SEM1: variants seen among roughly 807,000 people sequenced by gnomAD.
SEM1 encodes the protein 26S proteasome complex subunit SEM1.
SEM1 carries 3 observed loss-of-function variants against 12.7 expected under a neutral mutation model. The observed-to-expected ratio is 0.24, with a 90% CI of 0.11 to 0.61. The LOEUF (loss-of-function observed/expected upper bound fraction) is 0.61. SEM1 is among the 20% of genes least tolerant of loss of function. The probability of loss-of-function intolerance (pLI) is 0.88; values close to 1 mark genes in which losing one functional copy is unlikely to be tolerated. For missense variants in SEM1, 59 were observed against 81.3 expected (o/e 0.73, Z 1.06); for synonymous variants, 30 against 27.8 (o/e 1.08, Z -0.25).
intron 2 of SEM1, among the ~76,000 whole-genome samples, chr7:96,648,760 C>A (rs1313508968): frequency 2.0e-5 from 3 of 152,214 alleles, no homozygotes; most frequent in Non-Finnish European, 4.4e-5. Flanking sequence ...TGAGCAGAAA[C>A]CAAACTGCAA....
intron 2 of SEM1, among the ~76,000 whole-genome samples, chr7:96,589,230 T>A (rs530221568): frequency 6.6e-6 from 1 of 152,250 alleles, no homozygotes; most frequent in Admixed American, 6.5e-5. Flanking sequence ...TCATTCTGCT[T>A]GGCTGCCTCC....
intron 2 of SEM1, among the ~76,000 whole-genome samples, chr7:96,560,396 G>A (rs1182132703): frequency 6.6e-6 from 1 of 151,992 alleles, no homozygotes; most frequent in Non-Finnish European, 1.5e-5. Context: ...ATGCTAATGA[G>A]TTTTGCTTTT....
intron 2 of SEM1, among the ~76,000 whole-genome samples, chr7:96,682,123 A>T (rs1789632316): frequency 6.6e-6 from 1 of 151,880 alleles, no homozygotes; most frequent in Non-Finnish European, 1.5e-5. Context: ...TTGTAGTCCT[A>T]GGTATTTTAT....
rs139651366 is a variant in SEM1, at chr7:96,630,271, A to G, written c.171-7628T>C. Among the ~76,000 whole-genome samples the G allele has an allele frequency of 5.0e-4, 76 of 152,234 alleles. 1 individual carries two copies. The highest frequency in any genetic ancestry group is 1.7e-3 in the African/African-American group (69 of 41,528). ...CCAGAAGTGCCATCTGGGAGCTAAG[A>G]ACTAAAAGCAAAAACCTTAGAATTC... is the stretch of plus-strand genomic sequence containing the variant. On this transcript the variant is annotated intron_variant, in intron 2 of 2. Transcript: ENST00000417009.
exon 4 of SEM1, chr7:96,481,662 A>G (rs1336740556): frequency 6.6e-6 from 1 of 152,156 alleles, no homozygotes; most frequent in Non-Finnish European, 1.5e-5. Context: ...AAAATATTCA[A>G]AATGATCTAT....
intron 2 of SEM1, among the ~76,000 whole-genome samples, chr7:96,682,976 T>C (rs987735244): frequency 1.4e-4 from 22 of 152,122 alleles, no homozygotes; most frequent in African/African-American, 4.6e-4. Context: ...CACTGGTCAT[T>C]AGAGAAATGC....
chr7:96,516,795 A>G (rs1804108456), intron 2 of SEM1, among the ~76,000 whole-genome samples: 1 of 152,200 alleles, frequency 6.6e-6, no homozygotes, highest in Non-Finnish European at 1.5e-5. Context: ...AGCTTTATTC[A>G]TAATTGCCCA....
intron 2 of SEM1, among the ~76,000 whole-genome samples, chr7:96,543,517 T>G (rs1193362279): frequency 6.6e-6 from 1 of 151,950 alleles, no homozygotes; most frequent in Non-Finnish European, 1.5e-5. Context: ...AATAAATATA[T>G]ATTTTTTAAC....
At chr7:96,648,125 CTAAAGGGGCCTATT>C (rs966312711) in intron 2 of SEM1, among the ~76,000 whole-genome samples, 1 of 152,088 alleles carries the variant, frequency 6.6e-6, no homozygotes, top group Non-Finnish European at 1.5e-5. Flanking sequence ...AGTTATTTGT[CTAAAGGGGCCTATT>C]TAAGGGGAAA....
chr7:96,531,332 G>A (rs1391441660), intron 2 of SEM1, among the ~76,000 whole-genome samples: 1 of 151,822 alleles, frequency 6.6e-6, no homozygotes, highest in Non-Finnish European at 1.5e-5. Flanking sequence ...ACTTTCGGAA[G>A]CTGAGGCAGC....
At chr7:96,589,118 A>C (rs1287912959) in intron 2 of SEM1, among the ~76,000 whole-genome samples, 2 of 152,168 alleles carry the variant, frequency 1.3e-5, no homozygotes, top group South Asian at 2.1e-4. Context: ...CGCACTGCTT[A>C]GGGCTTGTGG....
chr7:96,611,509 A>G (rs938800365), intron 2 of SEM1, among the ~76,000 whole-genome samples: 10 of 152,232 alleles, frequency 6.6e-5, no homozygotes, highest in African/African-American at 2.4e-4. Context: ...TTTTGCTTAG[A>G]GTGAAGAGGA....
chr7:96,673,230 C>T (rs1452302143), downstream of SEM1: 1 of 152,732 alleles, frequency 6.5e-6, no homozygotes, highest in Non-Finnish European at 1.5e-5. Flanking sequence ...ATTGTCCTGC[C>T]TCAGCCTCCC....
chr7:96,503,764 G>A (rs1392746236), intron 3 of SEM1, among the ~76,000 whole-genome samples: 2 of 152,106 alleles, frequency 1.3e-5, no homozygotes, highest in African/African-American at 4.8e-5. Context: ...TCCCTAAACT[G>A]AGGATTGCTG....
At chr7:96,677,587 G>A (rs1305445568) in intron 2 of SEM1, among the ~76,000 whole-genome samples, 1 of 152,172 alleles carries the variant, frequency 6.6e-6, no homozygotes, top group Non-Finnish European at 1.5e-5. Flanking sequence ...TCCATCATGA[G>A]ATTGAAGAGC....
chr7:96,530,527 G>A (rs1009226980), intron 2 of SEM1, among the ~76,000 whole-genome samples: 2 of 152,080 alleles, frequency 1.3e-5, no homozygotes, highest in Non-Finnish European at 2.9e-5. Flanking sequence ...GAACAAAAAA[G>A]AGCACAAGCC....
At chr7:96,682,057 T>G (rs924797504) in intron 2 of SEM1, among the ~76,000 whole-genome samples, 2 of 152,150 alleles carry the variant, frequency 1.3e-5, no homozygotes, top group African/African-American at 4.8e-5. Context: ...CTCTCTTATT[T>G]CCTTGAGCAG....
At chr7:96,689,009 T>A in intron 2 of SEM1, 43 bp from the exon 3 acceptor site, 1 of 1,220,996 alleles carries the variant, frequency 8.2e-7, no homozygotes, top group Non-Finnish European at 1.2e-6. Context: ...TTCTTTATAA[T>A]AAACATTCTT....
intron 2 of SEM1, among the ~76,000 whole-genome samples, chr7:96,518,744 T>G (rs1218161729): frequency 6.6e-6 from 1 of 152,166 alleles, no homozygotes; most frequent in African/African-American, 2.4e-5. Flanking sequence ...AATTATTCAG[T>G]TCTTTAGTAA....
Sources: allele counts gnomAD v4.1 joint callset (sites outside exome capture counted in the v4.1 genomes callset), GRCh38; gene constraint gnomAD v4.1.1; transcripts MANE v1.5; gene names NCBI Gene and HGNC (gene_info 2026-07-23, HGNC 2026-07-21).